PTPRT: variants seen among roughly 807,000 people sequenced by gnomAD.
The protein encoded by PTPRT is receptor-type tyrosine-protein phosphatase T.
A neutral mutation model predicts 176.8 loss-of-function variants in PTPRT; 56 were observed. That is an observed-to-expected ratio of 0.32 (90% CI 0.26 to 0.40). PTPRT has a LOEUF of 0.40. Ranked by LOEUF, PTPRT falls within the 10% of genes least tolerant of loss-of-function variation. The pLI is 1.00. For synonymous variants in PTPRT, 783 were observed against 739.0 expected, an observed-to-expected ratio of 1.06 and a Z score of -0.96; for missense variants, 1,540 against 1,908.2, an observed-to-expected ratio of 0.81 and a Z score of 3.60.
chr20:42,407,834 T>C (rs976748286), intron 9 of PTPRT, among the ~76,000 whole-genome samples: 8 of 151,982 alleles, frequency 5.3e-5, no homozygotes, highest in African/African-American at 1.9e-4. Flanking sequence ...TCTATCTAAG[T>C]ACATAAAAAA....
intron 11 of PTPRT, among the ~76,000 whole-genome samples, chr20:42,324,939 A>G (rs1453716440): frequency 1.3e-5 from 2 of 152,178 alleles, no homozygotes; most frequent in East Asian, 3.8e-4. Flanking sequence ...TTTGCCTCTG[A>G]CTAGTTCGGC....
At chr20:42,284,089 G>A (rs190813090) in intron 12 of PTPRT, among the ~76,000 whole-genome samples, 1 of 152,024 alleles carries the variant, frequency 6.6e-6, no homozygotes, top group East Asian at 1.9e-4. Flanking sequence ...CAAGTCTTTT[G>A]AGCTATCCTA....
At chr20:42,398,484 T>A (rs2058873109) in intron 9 of PTPRT, among the ~76,000 whole-genome samples, 1 of 152,242 alleles carries the variant, frequency 6.6e-6, no homozygotes, top group Non-Finnish European at 1.5e-5. Context: ...ATATCGTCAT[T>A]AAATGATGCA....
At chr20:42,121,724 C>CAT (rs1187321059) in intron 19 of PTPRT, among the ~76,000 whole-genome samples, 1 of 146,096 alleles carries the variant, frequency 6.8e-6, no homozygotes, top group Non-Finnish European at 1.5e-5. Flanking sequence ...TATAGTATTC[C>CAT]ATATATATAT....
chr20:42,577,447 G>A (rs2073281071), intron 7 of PTPRT, among the ~76,000 whole-genome samples: 1 of 152,142 alleles, frequency 6.6e-6, no homozygotes, highest in Admixed American at 6.5e-5. Context: ...GGAGACCCAG[G>A]CATGCAGGTT....
chr20:42,167,614 C>T (rs1248400691), intron 16 of PTPRT, among the ~76,000 whole-genome samples: 8 of 152,146 alleles, frequency 5.3e-5, no homozygotes, highest in African/African-American at 1.7e-4. Context: ...AAGTAGCTAG[C>T]GACTGCTCAT....
intron 2 of PTPRT, among the ~76,000 whole-genome samples, chr20:42,871,548 G>T (rs1331655375): frequency 6.6e-6 from 1 of 152,050 alleles, no homozygotes; most frequent in Admixed American, 6.5e-5. Flanking sequence ...CCAAGAAATC[G>T]CTGCCAAATC....
At position 42,874,848 on chromosome 20, in the gene PTPRT, C is replaced by T. The variant is rs556946762; in HGVS notation, c.214+10959G>A. 5.3e-4 allele frequency among the ~76,000 whole-genome samples: 80 copies of T among 152,300 alleles called. 1 individual carries two copies. In the South Asian group the frequency reaches 0.012, roughly 24 times the overall value. On this transcript the variant is annotated intron_variant, in intron 2 of 30. Transcript: ENST00000373187. ...GTTAAAAGACATAGTGGTTTATTAT[C>T]CATTCACATAGACTTTAGAACCTCT...
intron 1 of PTPRT, among the ~76,000 whole-genome samples, chr20:43,037,847 T>A (rs1986445862): frequency 6.6e-6 from 1 of 152,190 alleles, no homozygotes; most frequent in Non-Finnish European, 1.5e-5. Context: ...CTTGTGCAAC[T>A]GAGCTAGAGT....
chr20:42,455,771 A>G (rs2070911655), intron 8 of PTPRT, among the ~76,000 whole-genome samples: 1 of 152,024 alleles, frequency 6.6e-6, no homozygotes, highest in Non-Finnish European at 1.5e-5. Flanking sequence ...TCTATGTTCT[A>G]TTATATTCAA....
chr20:42,384,191 A>G (rs2058721806), intron 9 of PTPRT, among the ~76,000 whole-genome samples: 1 of 152,208 alleles, frequency 6.6e-6, no homozygotes, highest in Non-Finnish European at 1.5e-5. Context: ...CTAGCTGGGA[A>G]CACAAAGATT....
At chr20:42,032,700 G>C in the PTPRT span, among the ~76,000 whole-genome samples, 1 of 152,094 alleles carries the variant, frequency 6.6e-6, no homozygotes, top group Non-Finnish European at 1.5e-5. Context: ...CCACTTCTAA[G>C]ATTAGGTTAT....
chr20:42,843,324 T>C (rs943681855), intron 2 of PTPRT, among the ~76,000 whole-genome samples: 4 of 152,212 alleles, frequency 2.6e-5, no homozygotes, highest in South Asian at 2.1e-4. Flanking sequence ...TCAGGTACAG[T>C]GTGGTTCTGC....
At chr20:42,415,488 A>G (rs1175211679) in intron 9 of PTPRT, among the ~76,000 whole-genome samples, 1 of 152,166 alleles carries the variant, frequency 6.6e-6, no homozygotes, top group Non-Finnish European at 1.5e-5. Context: ...CTGGGATTAT[A>G]GGTGTGAGCC....
At chr20:42,365,041 G>T (rs2058494765) in intron 9 of PTPRT, among the ~76,000 whole-genome samples, 1 of 152,150 alleles carries the variant, frequency 6.6e-6, no homozygotes, top group Admixed American at 6.5e-5. Context: ...GCCACATGGG[G>T]AAAAAAGGCA....
At chr20:42,638,954 A>G (rs1291771591) in intron 7 of PTPRT, among the ~76,000 whole-genome samples, 2 of 152,180 alleles carry the variant, frequency 1.3e-5, no homozygotes, top group Non-Finnish European at 2.9e-5. Context: ...TAGAAAAAAA[A>G]TCTCTTGCAA....
chr20:42,490,488 T>G (rs1269232954), intron 7 of PTPRT, among the ~76,000 whole-genome samples: 6 of 152,198 alleles, frequency 3.9e-5, no homozygotes, highest in Non-Finnish European at 8.8e-5. Flanking sequence ...ACAATTGTCT[T>G]AAATTAGATT....
At chr20:42,324,352 T>C (rs946838887) in intron 11 of PTPRT, among the ~76,000 whole-genome samples, 2 of 152,156 alleles carry the variant, frequency 1.3e-5, no homozygotes, top group Non-Finnish European at 2.9e-5. Flanking sequence ...AGATTAGCAA[T>C]TGCCTGGGAC....
At chr20:42,181,046 T>C (rs1438591829) in intron 16 of PTPRT, among the ~76,000 whole-genome samples, 1 of 152,228 alleles carries the variant, frequency 6.6e-6, no homozygotes, top group Non-Finnish European at 1.5e-5. Flanking sequence ...ATATAACGTA[T>C]GCACAGCATC....
Sources: gnomAD v4.1 joint callset for allele counts (sites outside exome capture counted in the v4.1 genomes callset) on GRCh38, gnomAD v4.1.1 for gene constraint, MANE v1.5 for transcripts, NCBI Gene and HGNC (gene_info 2026-07-23, HGNC 2026-07-21) for gene names.